The following AGBL4 variants were observed in gnomAD, a reference collection of about 807,000 sequenced individuals.
The protein encoded by AGBL4 is AGBL carboxypeptidase 4, also known as cytosolic carboxypeptidase 6.
Under a neutral mutation model 66.4 loss-of-function variants are expected in AGBL4, and 58 were observed. The observed-to-expected ratio is 0.87, with a 90% CI of 0.71 to 1.09. AGBL4 has a LOEUF of 1.09. Ranked by LOEUF, AGBL4 falls within the 50% of genes least tolerant of loss-of-function variation. The probability of loss-of-function intolerance (pLI) is 0.00; values close to 1 mark genes in which losing one functional copy is unlikely to be tolerated. For synonymous variants in AGBL4, 234 were observed against 222.9 expected, an observed-to-expected ratio of 1.05 and a Z score of -0.44; for missense variants, 579 against 631.0, an observed-to-expected ratio of 0.92 and a Z score of 0.88.
intron 2 of AGBL4, among the ~76,000 whole-genome samples, chr1:49,724,796 A>T (rs1183172936): frequency 1.3e-5 from 2 of 152,150 alleles, no homozygotes; most frequent in Non-Finnish European, 2.9e-5. Context: ...CCCCAAGGAA[A>T]AATCATGCGA....
intron 1 of AGBL4, among the ~76,000 whole-genome samples, chr1:49,935,209 A>G (rs1006479878): frequency 5.3e-5 from 8 of 152,090 alleles, no homozygotes; most frequent in Non-Finnish European, 8.8e-5. Context: ...AGGGTCCTAC[A>G]CCCACAGAGT....
At chr1:49,955,301 A>C (rs1165368624) in intron 1 of AGBL4, among the ~76,000 whole-genome samples, 1 of 152,008 alleles carries the variant, frequency 6.6e-6, no homozygotes, top group African/African-American at 2.4e-5. Flanking sequence ...ACTTACAAAA[A>C]CAAAGTTTCA....
At chr1:48,770,059 G>GCTT (rs886893461) in intron 6 of AGBL4, among the ~76,000 whole-genome samples, 4 of 152,268 alleles carry the variant, frequency 2.6e-5, no homozygotes, top group African/African-American at 9.6e-5. Context: ...TCAGCACCAT[G>GCTT]CTAGAAGCCC....
chr1:49,700,787 T>G (rs188365007), intron 2 of AGBL4, among the ~76,000 whole-genome samples: 16 of 152,198 alleles, frequency 1.1e-4, no homozygotes, highest in Non-Finnish European at 2.1e-4. Context: ...CACATACATA[T>G]ACATATATAG....
chr1:49,911,565 A>G lies in AGBL4; in HGVS notation c.35-60047T>C, dbSNP rs991183899. Among the ~76,000 whole-genome samples, 4 of 152,330 alleles carry G rather than the reference A, an allele frequency of 2.6e-5. No homozygotes were observed. In the East Asian group the frequency reaches 7.7e-4, roughly 29 times the overall value. On this transcript the variant is annotated intron_variant, in intron 1 of 13. Transcript: ENST00000371839. ...TAGAAGGTAACCCCACTGTCAGTCT[A>G]AAGTCTTTTTATGGGAGCCACAGGA...
chr1:48,670,771 C>T lies in AGBL4; in HGVS notation c.635-7530G>A, dbSNP rs7513798. 4.4e-3 allele frequency among the ~76,000 whole-genome samples: 678 copies of T among 152,376 alleles called. 2 individuals are homozygous for T. Among genetic ancestry groups the T allele is most frequent in the African/African-American group, 0.015 (623 of 41,598 alleles). On this transcript the variant is annotated intron_variant, in intron 6 of 13. Transcript: ENST00000371839. ...TATCTTGATCCCAGCACCCTACAAACACCTCCAGAAAGGCAGAGCCAGAGC... is the reference window on the plus strand; with the variant it reads ...TATCTTGATCCCAGCACCCTACAAATACCTCCAGAAAGGCAGAGCCAGAGC...
chr1:49,144,989 G>A (rs527529353), intron 4 of AGBL4, among the ~76,000 whole-genome samples: 1 of 152,128 alleles, frequency 6.6e-6, no homozygotes, highest in Non-Finnish European at 1.5e-5. Flanking sequence ...AAAGTTGCTG[G>A]AGCTAAGGTA....
intron 4 of AGBL4, among the ~76,000 whole-genome samples, chr1:49,073,610 C>G (rs1644653412): frequency 6.6e-6 from 1 of 152,158 alleles, no homozygotes; most frequent in African/African-American, 2.4e-5. Flanking sequence ...ACTGCCTGAT[C>G]CTTCCTCTGG....
intron 2 of AGBL4, among the ~76,000 whole-genome samples, chr1:49,836,542 GT>G (rs1645854350): frequency 6.6e-6 from 1 of 152,124 alleles, no homozygotes; most frequent in Non-Finnish European, 1.5e-5. Context: ...GCTCAGAGGA[GT>G]TTATTATTAC....
At chr1:49,767,745 A>C (rs1410641848) in intron 2 of AGBL4, among the ~76,000 whole-genome samples, 2 of 152,110 alleles carry the variant, frequency 1.3e-5, no homozygotes, top group Non-Finnish European at 2.9e-5. Flanking sequence ...GAGCACAATC[A>C]GAAATGACAA....
chr1:48,577,242 A>G (rs903024679), intron 11 of AGBL4, among the ~76,000 whole-genome samples: 2 of 152,248 alleles, frequency 1.3e-5, no homozygotes, highest in African/African-American at 4.8e-5. Flanking sequence ...TATTATATGC[A>G]TAAGTTGAAG....
At chr1:49,830,918 A>G (rs1645654580) in intron 2 of AGBL4, among the ~76,000 whole-genome samples, 1 of 152,120 alleles carries the variant, frequency 6.6e-6, no homozygotes, top group Non-Finnish European at 1.5e-5. Context: ...AGATGGTTGT[A>G]GATGTGTGGT....
At chr1:49,948,227 TATATAAATATATAAATAAATAC>T (rs1255602271) in intron 1 of AGBL4, among the ~76,000 whole-genome samples, 2,151 of 103,758 alleles carry the variant, frequency 0.021, 80 homozygotes, top group African/African-American at 0.086. Context: ...TATATAAATA[TATATAAATATATAAATAAATAC>T]ATATAAATAT....
At chr1:49,831,535 T>C (rs907318896) in intron 2 of AGBL4, among the ~76,000 whole-genome samples, 1 of 152,236 alleles carries the variant, frequency 6.6e-6, no homozygotes, top group East Asian at 1.9e-4. Flanking sequence ...TTTCTAAATA[T>C]ACAATCATGT....
intron 2 of AGBL4, chr1:49,845,427 T>C: frequency 7.0e-7 from 1 of 1,426,810 alleles, no homozygotes. Context: ...GCAACAAGTG[T>C]GGGAAAGCCT....
intron 3 of AGBL4, among the ~76,000 whole-genome samples, chr1:49,679,404 TG>T (rs1646645509): frequency 6.6e-6 from 1 of 152,146 alleles, no homozygotes; most frequent in Non-Finnish European, 1.5e-5. Flanking sequence ...TGCATGTGTG[TG>T]TGTGTGAATC....
chr1:49,273,586 T>C (rs1021134542), intron 3 of AGBL4, among the ~76,000 whole-genome samples: 6 of 150,970 alleles, frequency 4.0e-5, no homozygotes. Flanking sequence ...AATTTAATAT[T>C]AATAATATAA....
intron 5 of AGBL4, among the ~76,000 whole-genome samples, chr1:49,006,073 G>A (rs1006294063): frequency 8.5e-5 from 13 of 152,114 alleles, no homozygotes; most frequent in Admixed American, 3.9e-4. Flanking sequence ...CAGCGTGAGC[G>A]ACGCAGAAGA....
At chr1:48,933,460 CTCCCTATAG>C (rs1655199319) in intron 5 of AGBL4, among the ~76,000 whole-genome samples, 1 of 152,136 alleles carries the variant, frequency 6.6e-6, no homozygotes, top group East Asian at 1.9e-4. Context: ...TTGGGATCTG[CTCCCTATAG>C]CTTTTATTCA....
Sources: allele counts gnomAD v4.1 joint callset (sites outside exome capture counted in the v4.1 genomes callset), GRCh38; gene constraint gnomAD v4.1.1; transcripts MANE v1.5; gene names NCBI Gene and HGNC (gene_info 2026-07-23, HGNC 2026-07-21).